TP53BP1: variants seen among roughly 807,000 people sequenced by gnomAD.
The protein encoded by TP53BP1 is TP53-binding protein 1.
A neutral mutation model predicts 200.8 loss-of-function variants in TP53BP1; 61 were observed. That is an observed-to-expected ratio of 0.30 (90% confidence interval 0.25 to 0.38). TP53BP1 has a LOEUF of 0.38. Ranked by LOEUF, TP53BP1 falls within the 10% of genes least tolerant of loss-of-function variation. TP53BP1 has a pLI of 1.00. For synonymous variants in TP53BP1, 822 were observed against 844.3 expected, an observed-to-expected ratio of 0.97 and a Z score of 0.46; for missense variants, 2,144 against 2,371.9, an observed-to-expected ratio of 0.90 and a Z score of 2.00.
chr15:43,447,291 T>A, intron 13 of TP53BP1, 75 bp downstream of exon 13: 1 of 1,493,480 alleles, frequency 6.7e-7, no homozygotes, highest in Non-Finnish European at 9.1e-7. Context: ...ACTCCTCAGA[T>A]CTAAAATATC....
At chr15:43,407,725 G>GTT in intron 27 of TP53BP1, 155 bp from the exon 28 acceptor site, 2 of 818,930 alleles carry the variant, frequency 2.4e-6, no homozygotes, top group Non-Finnish European at 3.8e-6. Context: ...CAAAGGCAGA[G>GTT]TTATAATCAC....
At chr15:43,443,385 G>A (rs1175953897) in intron 14 of TP53BP1, among the ~76,000 whole-genome samples, 1 of 152,066 alleles carries the variant, frequency 6.6e-6, no homozygotes, top group Non-Finnish European at 1.5e-5. Context: ...AGTGCTTTAG[G>A]ACAGACACTT....
intron 20 of TP53BP1, 87 bp from the exon 21 acceptor site, chr15:43,420,822 G>T: frequency 7.4e-7 from 1 of 1,352,002 alleles, no homozygotes; most frequent in Non-Finnish European, 1.0e-6. Context: ...CTTTGTCCAT[G>T]GGTCTCCTCA....
At chr15:43,483,856 C>T (rs1007580718) in intron 4 of TP53BP1, among the ~76,000 whole-genome samples, 23 of 152,112 alleles carry the variant, frequency 1.5e-4, no homozygotes, top group Admixed American at 1.4e-3. Flanking sequence ...ACCTCATGTC[C>T]CTGATCTCTA....
chr15:43,507,857 G>A (rs2079246326), intron 1 of TP53BP1, among the ~76,000 whole-genome samples: 2 of 151,914 alleles, frequency 1.3e-5, no homozygotes, highest in African/African-American at 2.4e-5. Flanking sequence ...TGGGACTACA[G>A]GCACACACCA....
At chr15:43,506,856 G>A (rs986852447) in intron 1 of TP53BP1, among the ~76,000 whole-genome samples, 1 of 152,118 alleles carries the variant, frequency 6.6e-6, no homozygotes, top group African/African-American at 2.4e-5. Flanking sequence ...ATTGGTGGGA[G>A]CCAAGTCTTC....
intron 11 of TP53BP1, among the ~76,000 whole-genome samples, chr15:43,466,081 T>C (rs1020290190): frequency 2.6e-5 from 4 of 152,148 alleles, no homozygotes; most frequent in Non-Finnish European, 4.4e-5. Flanking sequence ...TCAAGTGTGA[T>C]AGCAGAATAA....
intron 14 of TP53BP1, among the ~76,000 whole-genome samples, chr15:43,442,891 T>C (rs1159025243): frequency 7.0e-6 from 1 of 141,924 alleles, no homozygotes; most frequent in Non-Finnish European, 1.5e-5. Context: ...AGTGGCATGA[T>C]CTCAGCTCAC....
At chr15:43,431,541 A>G (rs2045671101) in intron 17 of TP53BP1, among the ~76,000 whole-genome samples, 2 of 152,150 alleles carry the variant, frequency 1.3e-5, no homozygotes, top group African/African-American at 4.8e-5. Flanking sequence ...CACCAGGCAC[A>G]GCCACCTACT....
intron 12 of TP53BP1, among the ~76,000 whole-genome samples, chr15:43,451,012 T>A (rs1362316660): frequency 2.6e-5 from 4 of 152,128 alleles, no homozygotes; most frequent in Non-Finnish European, 4.4e-5. Context: ...GTAACTGGAA[T>A]TACGCGTGCA....
intron 4 of TP53BP1, among the ~76,000 whole-genome samples, chr15:43,487,613 T>G (rs990204057): frequency 6.6e-6 from 1 of 151,786 alleles, no homozygotes; most frequent in Non-Finnish European, 1.5e-5. Context: ...ATCAACATGG[T>G]GAAATCCCGC....
chr15:43,467,331 T>G (rs934597495), intron 11 of TP53BP1, among the ~76,000 whole-genome samples: 1 of 152,114 alleles, frequency 6.6e-6, no homozygotes, highest in African/African-American at 2.4e-5. Flanking sequence ...CCCAAAGTGC[T>G]GCAATTATAG....
At chr15:43,454,972 C>T (rs1186643212) in intron 12 of TP53BP1, among the ~76,000 whole-genome samples, 5 of 150,988 alleles carry the variant, frequency 3.3e-5, no homozygotes, top group Admixed American at 2.0e-4. Flanking sequence ...TCAGGCAATC[C>T]GCCCACCTTG....
intron 4 of TP53BP1, among the ~76,000 whole-genome samples, chr15:43,483,408 T>C (rs939202893): frequency 7.9e-5 from 12 of 152,150 alleles, no homozygotes; most frequent in Admixed American, 6.5e-4. Flanking sequence ...ACATACACTT[T>C]TACTTTCCAC....
chr15:43,481,979 G>A (rs1011677688), intron 4 of TP53BP1, among the ~76,000 whole-genome samples: 1 of 151,918 alleles, frequency 6.6e-6, no homozygotes, highest in Non-Finnish European at 1.5e-5. Flanking sequence ...TGTAATCCCA[G>A]CACTTTGGGA....
rs1294748757 is a variant in TP53BP1, at chr15:43,432,182, A to G, written c.3675+12T>C. Reference sequence around the variant, plus strand: ...AACAAGGCCTCTGATGCACCCTAGTATGTTCTCTCACCTGGCTATGGAGCG... The same window carrying G: ...AACAAGGCCTCTGATGCACCCTAGTGTGTTCTCTCACCTGGCTATGGAGCG... On this transcript the variant is annotated intron_variant, in intron 17 of 27. Coordinates refer to ENST00000382044, the MANE Select transcript of TP53BP1 (RefSeq NM_001141980.3). The G allele has an allele frequency of 1.2e-6, 2 of 1,611,398 alleles. No individual in the cohort carries two copies. Among genetic ancestry groups the G allele is most frequent in the Non-Finnish European group, 1.7e-6 (2 of 1,178,538 alleles).
At chr15:43,446,671 T>C in intron 13 of TP53BP1, 81 bp from the exon 14 acceptor site, 1 of 1,566,196 alleles carries the variant, frequency 6.4e-7, no homozygotes, top group Admixed American at 1.8e-5. Flanking sequence ...GGTCATCAAT[T>C]TGCCTGTTTG....
rs374256721 is a variant in TP53BP1, at chr15:43,449,218, T to C, written c.2717-1733A>G. Among the ~76,000 whole-genome samples the C allele has an allele frequency of 3.3e-5, 5 of 152,166 alleles. No individual in the cohort carries two copies. In the East Asian group the frequency reaches 5.8e-4, roughly 18 times the overall value. On this transcript the variant is annotated intron_variant, in intron 12 of 27. Coordinates refer to ENST00000382044, the MANE Select transcript of TP53BP1 (RefSeq NM_001141980.3). ...ACATCTAACTGACAGACATCCACCATAGTTACAGAAAAGAGAAATGGGTCA... is the reference window on the plus strand; with the variant it reads ...ACATCTAACTGACAGACATCCACCACAGTTACAGAAAAGAGAAATGGGTCA...
chr15:43,407,729 T>G, intron 27 of TP53BP1, 159 bp from the exon 28 acceptor site: 1 of 806,370 alleles, frequency 1.2e-6, no homozygotes, highest in East Asian at 2.7e-5. Flanking sequence ...GGCAGAGTTA[T>G]AATCACTATG....
Sources: gnomAD v4.1 joint callset for allele counts (sites outside exome capture counted in the v4.1 genomes callset) on GRCh38, gnomAD v4.1.1 for gene constraint, MANE v1.5 for transcripts, NCBI Gene and HGNC (gene_info 2026-07-23, HGNC 2026-07-21) for gene names.